The following UBE2G1 variants were observed in gnomAD, a reference collection of about 807,000 sequenced individuals.
UBE2G1 encodes the protein ubiquitin conjugating enzyme E2 G1.
A neutral mutation model predicts 22.7 loss-of-function variants in UBE2G1; 5 were observed. That is an observed-to-expected ratio of 0.22 (90% CI 0.12 to 0.46). The LOEUF (loss-of-function observed/expected upper bound fraction) is 0.46, where lower values mean the gene tolerates loss of function less well. UBE2G1 is among the 20% of genes least tolerant of loss of function. The pLI, the probability that UBE2G1 is intolerant of heterozygous loss-of-function variation, is 0.99. For missense variants in UBE2G1, 88 were observed against 203.9 expected (o/e 0.43, Z 3.46); for synonymous variants, 74 against 67.5 (o/e 1.10, Z -0.47).
intron 1 of UBE2G1, among the ~76,000 whole-genome samples, chr17:4,341,872 C>T (rs1341013802): frequency 5.9e-5 from 9 of 152,286 alleles, no homozygotes; most frequent in African/African-American, 2.2e-4. Context: ...GGCTTAAAGG[C>T]CACAGCATTC....
intron 5 of UBE2G1, among the ~76,000 whole-genome samples, chr17:4,277,362 T>G (rs1258800159): frequency 6.6e-6 from 1 of 152,204 alleles, no homozygotes; most frequent in Non-Finnish European, 1.5e-5. Flanking sequence ...TTTTAGTAAT[T>G]TGTTACGTAG....
chr17:4,285,460 A>T (rs1968951142), intron 4 of UBE2G1, among the ~76,000 whole-genome samples: 1 of 152,222 alleles, frequency 6.6e-6, no homozygotes, highest in Non-Finnish European at 1.5e-5. Flanking sequence ...GGAAAAATAA[A>T]AGCACCTTAC....
At chr17:4,364,433 G>A (rs1970007817) in intron 1 of UBE2G1, 1 of 149,762 alleles carries the variant, frequency 6.7e-6, no homozygotes, top group East Asian at 2.0e-4. Context: ...GGGACTACAG[G>A]CGCCCGCCAC....
At chr17:4,292,377 T>C (rs1382284665) in intron 3 of UBE2G1, among the ~76,000 whole-genome samples, 1 of 150,590 alleles carries the variant, frequency 6.6e-6, no homozygotes, top group Non-Finnish European at 1.5e-5. Context: ...GCCTAAACAA[T>C]GCATATACTT....
intron 1 of UBE2G1, among the ~76,000 whole-genome samples, chr17:4,356,356 C>CA (rs902110685): frequency 3.1e-4 from 45 of 146,826 alleles, no homozygotes; most frequent in African/African-American, 6.5e-4. Flanking sequence ...GAAACTGTCT[C>CA]AAAAAAAAAA....
intron 1 of UBE2G1, chr17:4,335,428 G>A (rs935593767): frequency 1.3e-5 from 2 of 152,142 alleles, no homozygotes; most frequent in Non-Finnish European, 2.9e-5. Context: ...AAGAGAAAGG[G>A]AAACGTAACC....
At chr17:4,332,789 T>C (rs916108212) in intron 1 of UBE2G1, among the ~76,000 whole-genome samples, 4 of 152,208 alleles carry the variant, frequency 2.6e-5, no homozygotes, top group African/African-American at 2.4e-5. Context: ...TTGCCTCACC[T>C]AACCTCTGCA....
chr17:4,303,244 G>A (rs1369058458), intron 2 of UBE2G1, among the ~76,000 whole-genome samples: 1 of 152,128 alleles, frequency 6.6e-6, no homozygotes, highest in Non-Finnish European at 1.5e-5. Flanking sequence ...TTCTGTTACT[G>A]AGTCCCCTAA....
At chr17:4,340,538 A>G (rs1419761477) in intron 1 of UBE2G1, among the ~76,000 whole-genome samples, 10 of 152,046 alleles carry the variant, frequency 6.6e-5, no homozygotes, top group Non-Finnish European at 5.9e-5. Flanking sequence ...GTGAGTTCTC[A>G]CGAGATCTGA....
intron 1 of UBE2G1, among the ~76,000 whole-genome samples, chr17:4,348,659 C>G (rs1036833196): frequency 7.9e-5 from 12 of 151,404 alleles, no homozygotes; most frequent in Non-Finnish European, 1.8e-4. Flanking sequence ...ATCAGCAGTT[C>G]AAGACCAGCC....
At chr17:4,357,972 C>G (rs1337531761) in intron 1 of UBE2G1, among the ~76,000 whole-genome samples, 4 of 150,552 alleles carry the variant, frequency 2.7e-5, no homozygotes, top group Non-Finnish European at 3.0e-5. Context: ...TATGTAGACA[C>G]AAAGAGAGAG....
intron 1 of UBE2G1, among the ~76,000 whole-genome samples, chr17:4,359,096 G>A (rs1358162244): frequency 2.6e-5 from 4 of 151,840 alleles, no homozygotes; most frequent in Non-Finnish European, 4.4e-5. Flanking sequence ...AAAAGCAAAG[G>A]AAAAGTGTCT....
chr17:4,282,909 C>T lies in UBE2G1; in HGVS notation c.439G>A (p.Glu147Lys). The T allele has an allele frequency of 6.2e-7, 1 of 1,613,056 alleles. No homozygotes were observed. The highest frequency in any genetic ancestry group is 8.5e-7 in the Non-Finnish European group (1 of 1,179,588). The change falls in exon 5 of 6, where the codon GAA (glutamate) becomes AAA (lysine). Residue 147 changes from glutamate (E) to lysine (K), a missense_variant. Physicochemically the swap from Glu to Lys is moderately conservative, Grantham distance 56 (BLOSUM62 1). This residue lies in a region of UBE2G1 where 38 missense variants were observed against 132.9 expected (regional missense o/e 0.29). Transcript: ENST00000396981. ...ANVDAAKEWR[E>K]DRNGEFKRKV... The stretch of plus-strand genomic sequence containing the variant: ...CTTTTAAATTCTCCATTTCTATCTT[C>T]CCTCCATTCTTTCTGTAGATTAAAA...
chr17:4,345,889 G>A (rs1969764106), intron 1 of UBE2G1: 1 of 152,090 alleles, frequency 6.6e-6, no homozygotes, highest in South Asian at 2.1e-4. Context: ...TCTTATTTAA[G>A]AAAACAACCT....
At position 4,350,578 on chromosome 17, in the gene UBE2G1, TTAAAC is replaced by T. The variant is rs199548810; in HGVS notation, c.46+15688_46+15692del. ...GCTCTGAACAGTGTCAGTCTCCAAA[TTAAAC>T]TAATTGTAAAAATGTGCACCCAGCA... On this transcript the variant is annotated intron_variant, in intron 1 of 5. Transcript: ENST00000396981. 4.9e-3 allele frequency among the ~76,000 whole-genome samples: 751 copies of T among 152,234 alleles called. 5 individuals carry two copies. Among genetic ancestry groups the T allele is most frequent in the African/African-American group, 0.018 (730 of 41,528 alleles).
At chr17:4,279,912 A>G (rs1968866551) in intron 5 of UBE2G1, among the ~76,000 whole-genome samples, 1 of 151,720 alleles carries the variant, frequency 6.6e-6, no homozygotes, top group African/African-American at 2.4e-5. Context: ...AAAGTAATCT[A>G]AAAACCTGAA....
rs890329225 is a variant in UBE2G1, at chr17:4,271,193, T to C, written c.*1361A>G. On this transcript the variant is annotated 3_prime_UTR_variant, in exon 6 of 6. Transcript: ENST00000396981. Reference sequence around the variant, plus strand: ...CTCAAACATTAATCACATCCAAGTGTACTATTGTTAGTGACGGGATCTATA... The same window carrying C: ...CTCAAACATTAATCACATCCAAGTGCACTATTGTTAGTGACGGGATCTATA... The C allele has an allele frequency of 1.3e-5, 2 of 152,550 alleles. No individual in the cohort carries two copies. The highest frequency in any genetic ancestry group is 2.9e-5 in the Non-Finnish European group (2 of 68,050). 9.4% of individuals were successfully genotyped at this position (152,550 alleles called of 1,614,324 possible). A position where few individuals can be genotyped will look rare whatever the true frequency, so the allele number is the denominator to read the frequency against.
At chr17:4,322,958 T>A (rs1969459519) in intron 1 of UBE2G1, among the ~76,000 whole-genome samples, 1 of 152,094 alleles carries the variant, frequency 6.6e-6, no homozygotes, top group South Asian at 2.1e-4. Flanking sequence ...GGTGAGCAGC[T>A]CAGTTGCAAA....
chr17:4,365,619 C>A (rs1200367743), intron 1 of UBE2G1, among the ~76,000 whole-genome samples: 1 of 152,094 alleles, frequency 6.6e-6, no homozygotes, highest in African/African-American at 2.4e-5. Flanking sequence ...CTACCCTCCC[C>A]CAGCCGGGCG....
Sources: allele counts gnomAD v4.1 joint callset (sites outside exome capture counted in the v4.1 genomes callset), GRCh38; gene constraint gnomAD v4.1.1; regional missense constraint gnomAD v4.1.1; transcripts MANE v1.5; gene names NCBI Gene and HGNC (gene_info 2026-07-23, HGNC 2026-07-21).